The following ZNF670 variants were observed in gnomAD, a reference collection of about 807,000 sequenced individuals.
ZNF670 encodes the protein zinc finger protein 670.
A neutral mutation model predicts 10.9 loss-of-function variants in ZNF670; 7 were observed. The ratio of observed to expected loss-of-function variants is 0.64; its 90% CI spans 0.36 to 1.20. The LOEUF (loss-of-function observed/expected upper bound fraction) is 1.20. Among genes scored for constraint, ZNF670 ranks in the 50% most tolerant of loss-of-function variants. ZNF670 has a pLI of 0.02. For synonymous variants in ZNF670, 136 were observed against 152.7 expected (o/e 0.89, Z 0.81); for missense variants, 446 against 458.6 (o/e 0.97, Z 0.25).
At chr1:247,039,060 C>CTTTTTTTTT (rs3078762) in intron 2 of ZNF670, among the ~76,000 whole-genome samples, 190 bp from the exon 3 acceptor site, 3 of 125,642 alleles carry the variant, frequency 2.4e-5, no homozygotes, top group Non-Finnish European at 3.3e-5. Flanking sequence ...TTCTTTCTTT[C>CTTTTTTTTT]TTTTTTTTTT....
rs773324419 is a variant in ZNF670, at chr1:247,038,904, T to C, written c.131-34A>G. 40 of 1,564,716 alleles carry C rather than the reference T, an allele frequency of 2.6e-5. No homozygotes were observed. The Admixed American group carries it at 4.5e-4, about 18-fold the overall frequency. ...TACAACCATAAGATTATTCAAATGA[T>C]TAGAAACTTTAAAAATTGCTAGATT... On this transcript the variant is annotated intron_variant, in intron 2 of 3. Coordinates refer to ENST00000366503, the MANE Select transcript of ZNF670 (RefSeq NM_033213.5).
At chr1:247,070,846 AAAG>A (rs1268775254) in intron 1 of ZNF670, among the ~76,000 whole-genome samples, 1 of 152,254 alleles carries the variant, frequency 6.6e-6, no homozygotes, top group Non-Finnish European at 1.5e-5. Context: ...ACACTTCTCC[AAAG>A]AAGACATACA....
chr1:247,048,877 G>T (rs1188799305), intron 1 of ZNF670, among the ~76,000 whole-genome samples: 4 of 152,072 alleles, frequency 2.6e-5, no homozygotes, highest in Non-Finnish European at 5.9e-5. Flanking sequence ...ACATTGGGTG[G>T]GGACACAGTC....
At chr1:247,043,240 G>T in intron 1 of ZNF670, 1 of 684,582 alleles carries the variant, frequency 1.5e-6, no homozygotes, top group Non-Finnish European at 2.8e-6. Context: ...GAGGACTTTG[G>T]ATTTAAGCAT....
In ZNF670 at chr1:247,037,569, A is replaced by C. The variant is rs768856212; in HGVS notation, c.1050T>G (p.Ser350Arg). 5 of 1,614,106 alleles carry C rather than the reference A, an allele frequency of 3.1e-6. No individual in the cohort carries two copies. The Admixed American group carries it at 8.3e-5, about 27-fold the overall frequency. The change falls in exon 4 of 4, where the codon AGT becomes AGG. Residue 350 changes from serine (S) to arginine (R), a missense_variant. Transcript: ENST00000366503. ...KECGKSFTSSSALRSHERTHT... is the reference protein window; with the variant it reads ...KECGKSFTSSRALRSHERTHT... ...GAGTCCTTTCATGGCTTCGAAGGGC[A>C]CTGGAAGAAGTAAACGACTTACCAC...
chr1:247,067,841 CAAAAAAAA>C (rs61211824), intron 1 of ZNF670, among the ~76,000 whole-genome samples: 3 of 85,262 alleles, frequency 3.5e-5, no homozygotes, highest in Non-Finnish European at 6.5e-5. Context: ...GACTCCGTCT[CAAAAAAAA>C]AAAAAAAAAA....
intron 1 of ZNF670, among the ~76,000 whole-genome samples, chr1:247,075,128 T>C (rs1671224520): frequency 6.6e-6 from 1 of 152,184 alleles, no homozygotes; most frequent in Non-Finnish European, 1.5e-5. Flanking sequence ...ATACCTCAAC[T>C]GGAAAAGCCA....
chr1:247,038,967 T>G, intron 2 of ZNF670, 97 bp from the exon 3 acceptor site: 1 of 793,624 alleles, frequency 1.3e-6, no homozygotes, highest in Non-Finnish European at 1.9e-6. Context: ...ACTAATTTTT[T>G]TCACCAAAGT....
At chr1:247,077,879 C>G (rs1402477789) in intron 1 of ZNF670, among the ~76,000 whole-genome samples, 1 of 152,108 alleles carries the variant, frequency 6.6e-6, no homozygotes, top group African/African-American at 2.4e-5. Flanking sequence ...TCCAAGACTC[C>G]ATCATACACA....
chr1:247,047,298 G>C (rs980597519), intron 1 of ZNF670, among the ~76,000 whole-genome samples: 14 of 152,294 alleles, frequency 9.2e-5, no homozygotes, highest in African/African-American at 3.1e-4. Flanking sequence ...TCCCTATGTG[G>C]GCTACACCAC....
At chr1:247,051,508 C>T (rs1460951184) in intron 1 of ZNF670, among the ~76,000 whole-genome samples, 1 of 152,142 alleles carries the variant, frequency 6.6e-6, no homozygotes, top group Non-Finnish European at 1.5e-5. Flanking sequence ...GGTTTTCCTT[C>T]CTAGGTTAAA....
chr1:247,066,855 T>C (rs1349731732), intron 1 of ZNF670, among the ~76,000 whole-genome samples: 1 of 152,218 alleles, frequency 6.6e-6, no homozygotes, highest in Non-Finnish European at 1.5e-5. Context: ...AACCTCTTCT[T>C]GTTACCCAGA....
At chr1:247,072,483 AC>A (rs1671141251) in intron 1 of ZNF670, among the ~76,000 whole-genome samples, 1 of 151,300 alleles carries the variant, frequency 6.6e-6, no homozygotes, top group African/African-American at 2.4e-5. Context: ...ATTAATATAT[AC>A]TTAAAAAAAG....
chr1:247,048,638 G>GA (rs1164652446), intron 1 of ZNF670, among the ~76,000 whole-genome samples: 1 of 152,170 alleles, frequency 6.6e-6, no homozygotes, highest in Admixed American at 6.6e-5. Flanking sequence ...GAAAATACCT[G>GA]AGACTGAGTA....
At chr1:247,071,911 G>T (rs1159801026) in intron 1 of ZNF670, among the ~76,000 whole-genome samples, 1 of 147,710 alleles carries the variant, frequency 6.8e-6, no homozygotes, top group Admixed American at 6.8e-5. Context: ...AGGCTGGAGT[G>T]CAGTGGTGCA....
At chr1:247,065,599 G>A (rs1025373850) in intron 1 of ZNF670, among the ~76,000 whole-genome samples, 4 of 152,134 alleles carry the variant, frequency 2.6e-5, no homozygotes, top group Non-Finnish European at 4.4e-5. Context: ...ATAGCGTGCA[G>A]AGTATGTTTA....
At position 247,075,340 on chromosome 1, in the gene ZNF670, T is replaced by A. The variant is rs1671227153; in HGVS notation, c.3+3254A>T. ...AAGGAGGCACTGATGTTTTGATAAA[T>A]ATTTATAATTCACCAATTTATCTAC... is the stretch of plus-strand genomic sequence containing the variant. On this transcript the variant is annotated intron_variant, in intron 1 of 3. Transcript: ENST00000366503. Among the ~76,000 whole-genome samples the A allele has an allele frequency of 2.0e-5, 3 of 152,346 alleles. No individual in the cohort carries two copies. In the South Asian group the frequency reaches 6.2e-4, roughly 32 times the overall value.
At chr1:247,040,273 C>A (rs1232281192) in intron 1 of ZNF670, among the ~76,000 whole-genome samples, 1 of 152,126 alleles carries the variant, frequency 6.6e-6, no homozygotes, top group Non-Finnish European at 1.5e-5. Flanking sequence ...TTACTCCAGA[C>A]CAAATTAAAC....
chr1:247,046,909 T>C (rs1670464613), intron 1 of ZNF670, among the ~76,000 whole-genome samples: 1 of 152,156 alleles, frequency 6.6e-6, no homozygotes, highest in Non-Finnish European at 1.5e-5. Context: ...ATGGAAGAAA[T>C]GGCCAAAACA....
Sources: allele counts gnomAD v4.1 joint callset (sites outside exome capture counted in the v4.1 genomes callset), GRCh38; gene constraint gnomAD v4.1.1; transcripts MANE v1.5; gene names NCBI Gene and HGNC (gene_info 2026-07-23, HGNC 2026-07-21).